NFIB: variants seen among roughly 807,000 people sequenced by gnomAD.
NFIB encodes nuclear factor I B.
In NFIB, 11 loss-of-function variants were observed where a neutral mutation model predicts 61.5. The observed-to-expected ratio is 0.18, with a 90% confidence interval of 0.11 to 0.30. The LOEUF is 0.30. Among genes scored for constraint, NFIB ranks in the 10% least tolerant of loss-of-function variants. NFIB has a pLI of 1.00. For synonymous variants in NFIB, 260 were observed against 216.5 expected (o/e 1.20, Z -1.76); for missense variants, 471 against 608.9 (o/e 0.77, Z 2.38).
chr9:14,132,697 A>C (rs2040538036), intron 6 of NFIB, among the ~76,000 whole-genome samples: 2 of 152,046 alleles, frequency 1.3e-5, no homozygotes, highest in African/African-American at 4.8e-5. Flanking sequence ...CCTCCCAAGT[A>C]GCTAGGACTA....
the NFIB span, among the ~76,000 whole-genome samples, chr9:14,467,704 C>T: frequency 6.6e-6 from 1 of 152,120 alleles, no homozygotes; most frequent in Non-Finnish European, 1.5e-5. Flanking sequence ...ACTTATCAAA[C>T]ACCTACCATA....
the NFIB span, among the ~76,000 whole-genome samples, chr9:14,506,876 CT>C: frequency 2.0e-5 from 3 of 152,116 alleles, no homozygotes; most frequent in African/African-American, 7.2e-5. Context: ...GGTTTTCTTT[CT>C]TCTTTTAGAA....
chr9:14,412,372 G>A, the NFIB span, among the ~76,000 whole-genome samples: 1 of 152,140 alleles, frequency 6.6e-6, no homozygotes, highest in African/African-American at 2.4e-5. Flanking sequence ...ACACAGTAAG[G>A]AATGTTATTG....
In NFIB at chr9:14,086,035, T is replaced by G. The variant is rs1019279864; in HGVS notation, c.*2274A>C. On this transcript the variant is annotated 3_prime_UTR_variant, in exon 11 of 11. Coordinates refer to ENST00000380953, the MANE Select transcript of NFIB (RefSeq NM_001190737.2). ...AAGCCAAGTCTGCCTCCAGGAGAATTTGTTGTGTTTGCTTGTTCTTACTAT... is the reference window on the plus strand; with the variant it reads ...AAGCCAAGTCTGCCTCCAGGAGAATGTGTTGTGTTTGCTTGTTCTTACTAT... The G allele has an allele frequency of 8.8e-6, 2 of 228,440 alleles. No individual in the cohort carries two copies. Among genetic ancestry groups the G allele is most frequent in the East Asian group, 6.3e-5 (1 of 15,966 alleles). 14.2% of individuals were successfully genotyped at this position (228,440 alleles called of 1,614,324 possible). A position where few individuals can be genotyped will look rare whatever the true frequency, so the allele number is the denominator to read the frequency against.
At chr9:14,423,517 C>T in the NFIB span, among the ~76,000 whole-genome samples, 2 of 152,182 alleles carry the variant, frequency 1.3e-5, no homozygotes, top group African/African-American at 4.8e-5. Flanking sequence ...TCTATTTACA[C>T]AGGACAGAAG....
Position 14,228,195 on chromosome 9 carries a change from T to TGA in NFIB, c.563-48416_563-48415insTC, listed in dbSNP as rs199944539. On this transcript the variant is annotated intron_variant, in intron 2 of 10. Coordinates refer to ENST00000380953, the MANE Select transcript of NFIB (RefSeq NM_001190737.2). ...ATTATTGAAATAATAAACTTTATGA[T>TGA]TCTTTTTTTTTTTTTTTTTGAGACA... 6.2e-3 allele frequency among the ~76,000 whole-genome samples: 800 copies of TGA among 128,630 alleles called. 4 individuals carry two copies. The highest frequency in any genetic ancestry group is 0.021 in the African/African-American group (751 of 35,722). The allele number at this position is 128,630 out of a possible 152,430, so 84.4% of individuals were successfully genotyped here.
At chr9:14,385,046 G>A (rs959373151) in intron 1 of NFIB, among the ~76,000 whole-genome samples, 4 of 152,122 alleles carry the variant, frequency 2.6e-5, no homozygotes, top group African/African-American at 4.8e-5. Context: ...TGAGGCATTC[G>A]CTCCAACTTA....
At chr9:14,291,414 G>T (rs886324221) in intron 2 of NFIB, among the ~76,000 whole-genome samples, 6 of 152,160 alleles carry the variant, frequency 3.9e-5, no homozygotes, top group African/African-American at 9.7e-5. Context: ...GAACCTGGGA[G>T]GTGGAGGTTG....
intron 2 of NFIB, among the ~76,000 whole-genome samples, chr9:14,232,151 C>G (rs1214127430): frequency 6.6e-6 from 1 of 152,038 alleles, no homozygotes; most frequent in African/African-American, 2.4e-5. Flanking sequence ...GACACCATGG[C>G]TAGGTAAGAA....
intron 2 of NFIB, among the ~76,000 whole-genome samples, chr9:14,235,590 C>G (rs2053658796): frequency 6.6e-6 from 1 of 152,168 alleles, no homozygotes; most frequent in African/African-American, 2.4e-5. Flanking sequence ...TTACGAAGCA[C>G]AGTTGTTCAG....
At chr9:14,428,138 G>A in the NFIB span, among the ~76,000 whole-genome samples, 3 of 151,624 alleles carry the variant, frequency 2.0e-5, no homozygotes, top group African/African-American at 4.8e-5. Flanking sequence ...TAGAGATGGG[G>A]TTTCACCATG....
At position 14,313,870 on chromosome 9, in the gene NFIB, G is replaced by A. The variant is rs1181185946; in HGVS notation, c.-359C>T. ...TTGCAGTTGTTGTTGTTGTTGGGGT[G>A]TAGGGGGTGCGCGAAGGTTCGGTGT... is the stretch of plus-strand genomic sequence containing the variant. On this transcript the variant is annotated 5_prime_UTR_variant, in exon 1 of 11. Transcript: ENST00000380953. The surrounding 1 kb of genome is among the most constrained non-coding windows in gnomAD (Gnocchi z 4.5). 6 of 1,131,724 alleles carry A rather than the reference G, an allele frequency of 5.3e-6. No individual in the cohort carries two copies. The highest frequency in any genetic ancestry group is 6.5e-6 in the Non-Finnish European group (6 of 921,488). The allele number at this position is 1,131,724 out of a possible 1,614,324, so 70.1% of individuals were successfully genotyped here. A position where few individuals can be genotyped will look rare whatever the true frequency, so the allele number is the denominator to read the frequency against.
chr9:14,111,894 C>T (rs1388054100), intron 10 of NFIB, among the ~76,000 whole-genome samples: 1 of 152,032 alleles, frequency 6.6e-6, no homozygotes, highest in East Asian at 1.9e-4. Flanking sequence ...ATGTGGTGAC[C>T]TCTAATATGC....
intron 2 of NFIB, among the ~76,000 whole-genome samples, chr9:14,248,682 C>T (rs2055221906): frequency 6.6e-6 from 1 of 152,142 alleles, no homozygotes; most frequent in South Asian, 2.1e-4. Context: ...AGCTCCTCTC[C>T]AAGAACAGGC....
At chr9:14,325,437 A>G (rs151106650) in intron 1 of NFIB, among the ~76,000 whole-genome samples, 200 of 152,280 alleles carry the variant, frequency 1.3e-3, no homozygotes, top group African/African-American at 4.4e-3. Context: ...TAAGAATTTT[A>G]AAAATGTACT....
intron 1 of NFIB, among the ~76,000 whole-genome samples, chr9:14,365,657 T>C (rs1476559036): frequency 6.6e-6 from 1 of 152,240 alleles, no homozygotes; most frequent in East Asian, 1.9e-4. Context: ...CTGGATTTTC[T>C]ATTCTTGGCC....
intron 1 of NFIB, among the ~76,000 whole-genome samples, chr9:14,350,726 G>A (rs1311414075): frequency 6.6e-6 from 1 of 152,170 alleles, no homozygotes; most frequent in East Asian, 1.9e-4. Flanking sequence ...CCTTATGGGC[G>A]CTGATCGTGA....
the NFIB span, among the ~76,000 whole-genome samples, chr9:14,517,804 G>T: frequency 4.6e-5 from 7 of 152,192 alleles, no homozygotes; most frequent in East Asian, 1.3e-3. Flanking sequence ...CTGTTTCCCA[G>T]TTCAGAGTCA....
the NFIB span, among the ~76,000 whole-genome samples, chr9:14,503,753 T>C: frequency 6.6e-6 from 1 of 152,226 alleles, no homozygotes; most frequent in Non-Finnish European, 1.5e-5. Context: ...ATTGTGAAGA[T>C]TTTCTCCCCT....
Sources: allele counts gnomAD v4.1 joint callset (sites outside exome capture counted in the v4.1 genomes callset), GRCh38; gene constraint gnomAD v4.1.1; non-coding constraint Gnocchi (gnomAD v3.1); transcripts MANE v1.5; gene names NCBI Gene and HGNC (gene_info 2026-07-23, HGNC 2026-07-21).